The following CCDC102B variants were observed in gnomAD, a reference collection of about 807,000 sequenced individuals.
The protein encoded by CCDC102B is coiled-coil domain-containing protein 102B.
CCDC102B carries 75 observed loss-of-function variants against 57.4 expected under a neutral mutation model. The observed-to-expected ratio is 1.31, with a 90% confidence interval of 1.08 to 1.58. CCDC102B has a LOEUF of 1.58. CCDC102B is among the 40% of genes most tolerant of loss of function. CCDC102B has a pLI of 0.00. For synonymous variants in CCDC102B, 206 were observed against 201.9 expected (o/e 1.02, Z -0.17); for missense variants, 636 against 582.6 (o/e 1.09, Z -0.94).
chr18:68,866,888 C>CTCA, intron 4 of CCDC102B: 1 of 643,576 alleles, frequency 1.6e-6, no homozygotes, highest in South Asian at 1.4e-5. Context: ...CCTCTTCCCT[C>CTCA]TCATGTATCA....
intron 6 of CCDC102B, among the ~76,000 whole-genome samples, chr18:68,909,055 C>A (rs2040741478): frequency 6.7e-6 from 1 of 148,506 alleles, no homozygotes; most frequent in Non-Finnish European, 1.5e-5. Flanking sequence ...GTGTTTACTC[C>A]ATCTATGTGA....
chr18:68,777,228 G>A (rs1018201513), intron 2 of CCDC102B, among the ~76,000 whole-genome samples: 2 of 152,080 alleles, frequency 1.3e-5, no homozygotes, highest in South Asian at 2.1e-4. Context: ...AGATCAAGAC[G>A]TACACATGTC....
chr18:68,733,476 C>A (rs934039498), intron 2 of CCDC102B, among the ~76,000 whole-genome samples: 9 of 52,564 alleles, frequency 1.7e-4, no homozygotes, highest in Admixed American at 2.3e-4. Context: ...AGTTAGACAA[C>A]TTTATATATA....
At position 69,055,072 on chromosome 18, in the gene CCDC102B, A is replaced by G. The variant is rs946976003; in HGVS notation, c.*935A>G. 5 of 983,216 alleles carry G rather than the reference A, an allele frequency of 5.1e-6. No homozygotes were observed. The Admixed American group carries it at 3.1e-4, about 61-fold the overall frequency. The allele number at this position is 983,216 out of a possible 1,614,324, so 60.9% of individuals were successfully genotyped here. Reference sequence around the variant, plus strand: ...CTATTTTCAACTGAAGGCAACTTGTAAGATTTAACTCAGTCAATAACATAC... The same window carrying G: ...CTATTTTCAACTGAAGGCAACTTGTGAGATTTAACTCAGTCAATAACATAC... On this transcript the variant is annotated 3_prime_UTR_variant, in exon 8 of 8. Transcript: ENST00000360242.
intron 6 of CCDC102B, among the ~76,000 whole-genome samples, chr18:68,950,086 A>G (rs1414266177): frequency 2.0e-5 from 3 of 152,168 alleles, no homozygotes; most frequent in African/African-American, 7.2e-5. Flanking sequence ...TCTATTCAAG[A>G]TAACATGAGA....
At chr18:68,874,550 C>A in intron 4 of CCDC102B, 119 bp from the exon 5 acceptor site, 1 of 604,220 alleles carries the variant, frequency 1.7e-6, no homozygotes, top group Non-Finnish European at 3.0e-6. Context: ...ACAAGCCTGC[C>A]AGAATCCACA....
chr18:68,876,715 G>A (rs2039462812), intron 5 of CCDC102B, among the ~76,000 whole-genome samples: 2 of 152,154 alleles, frequency 1.3e-5, no homozygotes, highest in Admixed American at 1.3e-4. Context: ...TCAGAAGACT[G>A]TTAGTGATAT....
intron 2 of CCDC102B, among the ~76,000 whole-genome samples, chr18:68,735,598 C>A (rs1199349867): frequency 2.0e-5 from 3 of 152,132 alleles, no homozygotes; most frequent in African/African-American, 4.8e-5. Context: ...CATAGTTTTT[C>A]TTTGCATATC....
At chr18:68,969,830 A>T (rs866051762) in intron 6 of CCDC102B, among the ~76,000 whole-genome samples, 5 of 152,038 alleles carry the variant, frequency 3.3e-5, no homozygotes, top group African/African-American at 9.7e-5. Flanking sequence ...CTTGTTTTTA[A>T]CCAATAATTT....
intron 6 of CCDC102B, among the ~76,000 whole-genome samples, chr18:68,901,246 G>A (rs2040441850): frequency 6.6e-6 from 1 of 152,052 alleles, no homozygotes; most frequent in South Asian, 2.1e-4. Flanking sequence ...TCTAGACTAG[G>A]GATGGACAAA....
chr18:68,932,188 T>A (rs1467543304), intron 6 of CCDC102B, among the ~76,000 whole-genome samples: 1 of 151,904 alleles, frequency 6.6e-6, no homozygotes, highest in African/African-American at 2.4e-5. Context: ...TGACACTAGA[T>A]AACCTACCAG....
Position 68,837,178 on chromosome 18 carries a change from A to G in CCDC102B, c.415A>G (p.Lys139Glu), listed in dbSNP as rs1291563604. ...GATGAAAGAATTGAGTACACTGAAA[A>G]AGAAACAGAGTTTGCCACCTCAGAA... ...MAMKELSTLK[K>E]KQSLPPQKEA... is the part of the protein sequence containing the mutation. The change falls in exon 2 of 8, where the codon AAG becomes GAG. Residue 139 changes from lysine to glutamate, a missense_variant. Coordinates refer to ENST00000360242, the MANE Select transcript of CCDC102B (RefSeq NM_024781.3). 1 of 1,614,168 alleles carries G rather than the reference A, an allele frequency of 6.2e-7. No homozygotes were observed.
downstream of CCDC102B, among the ~76,000 whole-genome samples, chr18:69,056,315 C>T (rs2052813984): frequency 6.6e-6 from 1 of 151,868 alleles, no homozygotes; most frequent in South Asian, 2.1e-4. Context: ...ACAATCAATG[C>T]CAAAACTTAA....
At position 68,985,607 on chromosome 18, in the gene CCDC102B, C is replaced by CA. The variant is rs1226097874; in HGVS notation, c.1264-25322dup. Reference sequence around the variant, plus strand: ...AGACCCTGTAGCAGGAGCTGTGTGGCAAAAACTGAAACTGCTGTTGGTGCT... The same window carrying CA: ...AGACCCTGTAGCAGGAGCTGTGTGGCAAAAAACTGAAACTGCTGTTGGTGCT... On this transcript the variant is annotated intron_variant, in intron 6 of 7. Transcript: ENST00000360242. Among the ~76,000 whole-genome samples, 7 of 152,096 alleles carry CA rather than the reference C, an allele frequency of 4.6e-5. No homozygotes were observed. In the East Asian group the frequency reaches 1.3e-3, roughly 29 times the overall value.
At chr18:68,951,784 G>C (rs1453319678) in intron 6 of CCDC102B, among the ~76,000 whole-genome samples, 1 of 151,184 alleles carries the variant, frequency 6.6e-6, no homozygotes, top group Non-Finnish European at 1.5e-5. Context: ...CTCCAGCCTG[G>C]GCAACAGAGT....
Position 68,863,962 on chromosome 18 carries a change from T to C in CCDC102B, c.937-10707T>C, listed in dbSNP as rs142378961. 3.6e-3 allele frequency among the ~76,000 whole-genome samples: 540 copies of C among 152,104 alleles called. 4 individuals carry two copies. Among genetic ancestry groups the C allele is most frequent in the Middle Eastern group, 0.014 (4 of 294 alleles). On this transcript the variant is annotated intron_variant, in intron 4 of 7. Transcript: ENST00000360242. ...TCATCCTGTTTCAGACCTGGGTAAA[T>C]CAATTTCTTTAGAGTCCAGGGTTCT...
rs76965074 is a variant in CCDC102B at position 69,032,599 on chromosome 18, C to T, written c.1435-21431C>T. On this transcript the variant is annotated intron_variant, in intron 7 of 7. Transcript: ENST00000360242. The stretch of plus-strand genomic sequence containing the variant: ...TATTCTACAATTTAGAAAGAGATTC[C>T]CTATAGTTATCTTTAATTTGGATAA... 7.1e-3 allele frequency among the ~76,000 whole-genome samples: 1,087 copies of T among 152,116 alleles called. 8 individuals carry two copies. Among genetic ancestry groups the T allele is most frequent in the Non-Finnish European group, 0.012 (796 of 67,982 alleles).
chr18:68,748,075 T>C (rs2033692323), intron 2 of CCDC102B, among the ~76,000 whole-genome samples: 1 of 152,158 alleles, frequency 6.6e-6, no homozygotes, highest in Non-Finnish European at 1.5e-5. Flanking sequence ...TGAGATGATA[T>C]CTCATTGTGG....
At chr18:68,855,044 G>A (rs2038319242) in intron 4 of CCDC102B, among the ~76,000 whole-genome samples, 1 of 152,194 alleles carries the variant, frequency 6.6e-6, no homozygotes, top group African/African-American at 2.4e-5. Flanking sequence ...ATATGTGACG[G>A]GAGAGTTAGG....
Sources: allele counts gnomAD v4.1 joint callset (sites outside exome capture counted in the v4.1 genomes callset), GRCh38; gene constraint gnomAD v4.1.1; transcripts MANE v1.5; gene names NCBI Gene and HGNC (gene_info 2026-07-23, HGNC 2026-07-21).